Variants in NUDCD3 observed in about 807,000 individuals in gnomAD.
The protein encoded by NUDCD3 is NudC domain containing 3, also known as nudC domain-containing protein 3.
NUDCD3 carries 13 observed loss-of-function variants against 39.7 expected under a neutral mutation model. The ratio of observed to expected loss-of-function variants is 0.33; its 90% CI spans 0.21 to 0.52. NUDCD3 has a LOEUF of 0.52. Ranked by LOEUF, NUDCD3 falls within the 20% of genes least tolerant of loss-of-function variation. The pLI is 0.96. For missense variants in NUDCD3, 453 were observed against 458.1 expected (o/e 0.99, Z 0.10); for synonymous variants, 175 against 172.4 (o/e 1.02, Z -0.12).
At chr7:44,391,275 TGAG>T (rs1239044307) in intron 5 of NUDCD3, among the ~76,000 whole-genome samples, 3 of 152,168 alleles carry the variant, frequency 2.0e-5, no homozygotes, top group South Asian at 2.1e-4. Context: ...CAGGGCCAGG[TGAG>T]GAGAACATGT....
At chr7:44,452,225 T>A (rs1352838617) in intron 2 of NUDCD3, among the ~76,000 whole-genome samples, 1 of 152,172 alleles carries the variant, frequency 6.6e-6, no homozygotes, top group African/African-American at 2.4e-5. Context: ...GGATGATCGC[T>A]TGAGCTCAGA....
rs1034481117 is a variant in NUDCD3, at chr7:44,455,087, T to C, written c.510-27384A>G. On this transcript the variant is annotated intron_variant, in intron 2 of 5. Transcript: ENST00000355451. The stretch of plus-strand genomic sequence containing the variant: ...ATTATGGACCTCTCCCATCTGAGCA[T>C]TGACTTCTATCCTTCTCCCTTCAGA... Among the ~76,000 whole-genome samples the C allele has an allele frequency of 2.6e-5, 4 of 152,152 alleles. 1 individual carries two copies. The highest frequency in any genetic ancestry group is 7.2e-5 in the African/African-American group (3 of 41,424).
At chr7:44,428,839 A>C (rs1799292829) in intron 2 of NUDCD3, among the ~76,000 whole-genome samples, 1 of 152,270 alleles carries the variant, frequency 6.6e-6, no homozygotes, top group Non-Finnish European at 1.5e-5. Context: ...AGAAGGCAGC[A>C]GCTATGAACA....
At chr7:44,418,560 T>C (rs751219779) in intron 3 of NUDCD3, among the ~76,000 whole-genome samples, 3 of 152,230 alleles carry the variant, frequency 2.0e-5, no homozygotes, top group African/African-American at 7.2e-5. Flanking sequence ...CAAGTTAACT[T>C]GGATGATTCA....
At chr7:44,459,874 C>A (rs1799974386) in intron 2 of NUDCD3, among the ~76,000 whole-genome samples, 2 of 152,118 alleles carry the variant, frequency 1.3e-5, no homozygotes, top group South Asian at 4.1e-4. Flanking sequence ...TTAACGAGAA[C>A]AAAACTGATC....
chr7:44,451,886 GA>G (rs908847481), intron 2 of NUDCD3, among the ~76,000 whole-genome samples: 30 of 151,852 alleles, frequency 2.0e-4, no homozygotes, highest in Non-Finnish European at 4.1e-4. Flanking sequence ...TCACCTGAGA[GA>G]AAAAACAAAA....
At chr7:44,401,806 A>C (rs1798732240) in intron 4 of NUDCD3, among the ~76,000 whole-genome samples, 1 of 152,200 alleles carries the variant, frequency 6.6e-6, no homozygotes. Flanking sequence ...GCACAAATGA[A>C]GCCTGGACTC....
chr7:44,481,526 T>C (rs901332524), intron 2 of NUDCD3: 2 of 152,234 alleles, frequency 1.3e-5, no homozygotes, highest in African/African-American at 4.8e-5. Context: ...ACAAAATACC[T>C]TGACAGCCAT....
chr7:44,475,639 G>A (rs1170832600), intron 2 of NUDCD3, among the ~76,000 whole-genome samples: 1 of 151,952 alleles, frequency 6.6e-6, no homozygotes, highest in Non-Finnish European at 1.5e-5. Context: ...ACACATCCGT[G>A]ATCTCAGCTA....
At chr7:44,457,736 A>G (rs1205451296) in intron 2 of NUDCD3, among the ~76,000 whole-genome samples, 2 of 152,362 alleles carry the variant, frequency 1.3e-5, no homozygotes, top group Non-Finnish European at 1.5e-5. Flanking sequence ...AATAACGCAC[A>G]TGAAAAAATA....
intron 3 of NUDCD3, among the ~76,000 whole-genome samples, chr7:44,422,257 A>C (rs180778382): frequency 6.6e-6 from 1 of 152,306 alleles, no homozygotes; most frequent in East Asian, 1.9e-4. Flanking sequence ...ACAAATTCAA[A>C]AGCTAGCAGA....
chr7:44,394,681 A>T (rs1356824838), intron 4 of NUDCD3, among the ~76,000 whole-genome samples: 1 of 152,254 alleles, frequency 6.6e-6, no homozygotes, highest in Non-Finnish European at 1.5e-5. Flanking sequence ...AAATGAGGAC[A>T]AACCCTTGGA....
At chr7:44,475,877 A>G (rs951309965) in intron 2 of NUDCD3, among the ~76,000 whole-genome samples, 2 of 152,328 alleles carry the variant, frequency 1.3e-5, no homozygotes, top group African/African-American at 4.8e-5. Context: ...ACTCATCTGT[A>G]TTTTCCAAAT....
At chr7:44,459,837 T>A (rs1268175711) in intron 2 of NUDCD3, among the ~76,000 whole-genome samples, 1 of 152,198 alleles carries the variant, frequency 6.6e-6, no homozygotes, top group African/African-American at 2.4e-5. Context: ...AACAATAGAA[T>A]GATATGCTTC....
At chr7:44,449,642 G>A (rs1466305948) in intron 2 of NUDCD3, among the ~76,000 whole-genome samples, 1 of 152,156 alleles carries the variant, frequency 6.6e-6, no homozygotes, top group Non-Finnish European at 1.5e-5. Flanking sequence ...TTCAACAAAT[G>A]ATGCTGGTGT....
intron 2 of NUDCD3, among the ~76,000 whole-genome samples, chr7:44,448,508 G>A (rs1425606647): frequency 6.6e-6 from 1 of 152,198 alleles, no homozygotes; most frequent in Non-Finnish European, 1.5e-5. Context: ...CAATGTTGCT[G>A]GCACTGACAG....
intron 3 of NUDCD3, among the ~76,000 whole-genome samples, chr7:44,409,432 C>T (rs1259256832): frequency 6.6e-6 from 1 of 152,154 alleles, no homozygotes; most frequent in African/African-American, 2.4e-5. Flanking sequence ...ACAAACTTTA[C>T]AGAATTAGTT....
At chr7:44,487,312 C>T (rs993765968) in intron 1 of NUDCD3, among the ~76,000 whole-genome samples, 13 of 152,072 alleles carry the variant, frequency 8.5e-5, no homozygotes, top group African/African-American at 2.7e-4. Flanking sequence ...ATTAAGGGAA[C>T]GCTTTGAAGT....
intron 2 of NUDCD3, chr7:44,468,127 C>G: frequency 1.9e-6 from 3 of 1,607,436 alleles, no homozygotes; most frequent in Non-Finnish European, 2.5e-6. Flanking sequence ...TCCGGAAGTT[C>G]CTGGTCCACA....
Sources: gnomAD v4.1 joint callset for allele counts (sites outside exome capture counted in the v4.1 genomes callset) on GRCh38, gnomAD v4.1.1 for gene constraint, MANE v1.5 for transcripts, NCBI Gene and HGNC (gene_info 2026-07-23, HGNC 2026-07-21) for gene names.